The following TAS2R1 variants were observed in gnomAD, a reference collection of about 807,000 sequenced individuals.
The protein encoded by TAS2R1 is taste 2 receptor member 1, also known as taste receptor type 2 member 1.
For synonymous variants in TAS2R1, 141 were observed against 134.2 expected (o/e 1.05, Z -0.35); for missense variants, 370 against 353.4 (o/e 1.05, Z -0.38).
intron 2 of TAS2R1, among the ~76,000 whole-genome samples, chr5:9,651,624 T>G (rs1402407450): frequency 6.6e-6 from 1 of 152,222 alleles, no homozygotes; most frequent in Non-Finnish European, 1.5e-5. Flanking sequence ...ACTCAAATTT[T>G]TATAAACATA....
intron 2 of TAS2R1, among the ~76,000 whole-genome samples, chr5:9,639,298 C>G (rs989578387): frequency 2.0e-5 from 3 of 152,292 alleles, no homozygotes; most frequent in African/African-American, 7.2e-5. Flanking sequence ...ATGCAAGGTA[C>G]TACCCGCTGC....
At chr5:9,873,372 A>G in the TAS2R1 span, among the ~76,000 whole-genome samples, 1 of 149,504 alleles carries the variant, frequency 6.7e-6, no homozygotes, top group East Asian at 2.0e-4. Flanking sequence ...GGTGCCCCAT[A>G]TGAGGAGAGC....
At chr5:9,761,024 TTATC>T in the TAS2R1 span, 1 of 152,172 alleles carries the variant, frequency 6.6e-6, no homozygotes, top group Non-Finnish European at 1.5e-5. Flanking sequence ...AATGATATGA[TTATC>T]TATGCAGAAA....
chr5:9,810,017 C>T, the TAS2R1 span, among the ~76,000 whole-genome samples: 1 of 152,192 alleles, frequency 6.6e-6, no homozygotes, highest in Admixed American at 6.5e-5. Flanking sequence ...CCTTCTCTTA[C>T]ACTCATTCTT....
At chr5:9,753,252 G>C in the TAS2R1 span, among the ~76,000 whole-genome samples, 1 of 152,314 alleles carries the variant, frequency 6.6e-6, no homozygotes, top group Middle Eastern at 3.4e-3. Flanking sequence ...TAACTGGTTT[G>C]AGATGGTATC....
the TAS2R1 span, among the ~76,000 whole-genome samples, chr5:9,844,862 G>C: frequency 1.1e-4 from 17 of 152,268 alleles, no homozygotes; most frequent in Admixed American, 9.8e-4. Context: ...GCCCTTGCCA[G>C]GTGAATTTTC....
chr5:9,691,578 G>A (rs74329235), intron 1 of TAS2R1, among the ~76,000 whole-genome samples: 4,779 of 152,292 alleles, frequency 0.031, 93 homozygotes, highest in African/African-American at 0.057. Context: ...ATTTCATATC[G>A]TAAGGAAAGG....
At chr5:9,890,320 C>T in the TAS2R1 span, among the ~76,000 whole-genome samples, 1 of 152,112 alleles carries the variant, frequency 6.6e-6, no homozygotes, top group South Asian at 2.1e-4. Flanking sequence ...ATATGTCCAC[C>T]CATGACCTCA....
intron 2 of TAS2R1, among the ~76,000 whole-genome samples, chr5:9,643,524 G>A (rs1033961609): frequency 6.6e-6 from 1 of 152,112 alleles, no homozygotes; most frequent in Non-Finnish European, 1.5e-5. Flanking sequence ...TGAATGTGAA[G>A]GCGTAGGACA....
the TAS2R1 span, among the ~76,000 whole-genome samples, chr5:9,755,679 G>A: frequency 3.0e-3 from 451 of 152,096 alleles, 1 homozygote; most frequent in African/African-American, 0.01. Flanking sequence ...CTGGTTGTCC[G>A]TTTTTATAGT....
At chr5:9,811,572 C>A in the TAS2R1 span, among the ~76,000 whole-genome samples, 1 of 152,162 alleles carries the variant, frequency 6.6e-6, no homozygotes, top group African/African-American at 2.4e-5. Context: ...GACGCATTTG[C>A]TCCATCTCCT....
chr5:9,872,829 C>T, the TAS2R1 span, among the ~76,000 whole-genome samples: 11,714 of 152,296 alleles, frequency 0.077, 562 homozygotes, highest in African/African-American at 0.13. Context: ...GGTATAACTA[C>T]ATTGACTTGA....
At chr5:9,679,686 C>T (rs537640697) in intron 1 of TAS2R1, among the ~76,000 whole-genome samples, 53 of 152,138 alleles carry the variant, frequency 3.5e-4, no homozygotes, top group Non-Finnish European at 6.2e-4. Flanking sequence ...TATAGACAAA[C>T]AAGGAGGAGG....
At chr5:9,880,712 G>A in the TAS2R1 span, among the ~76,000 whole-genome samples, 15 of 152,228 alleles carry the variant, frequency 9.9e-5, no homozygotes, top group East Asian at 1.9e-4. Flanking sequence ...AACAACAGAC[G>A]CTGGGATACT....
chr5:9,660,928 T>C (rs940869319), intron 1 of TAS2R1, among the ~76,000 whole-genome samples: 7 of 152,118 alleles, frequency 4.6e-5, no homozygotes, highest in African/African-American at 1.4e-4. Context: ...AGCAAGCAAA[T>C]AGGGACCTCA....
chr5:9,902,013 T>C, the TAS2R1 span, among the ~76,000 whole-genome samples: 1 of 152,064 alleles, frequency 6.6e-6, no homozygotes, highest in Non-Finnish European at 1.5e-5. Flanking sequence ...CCTGTTAATC[T>C]TCCATTACTC....
At chr5:9,696,781 A>C (rs1008740062) in intron 1 of TAS2R1, among the ~76,000 whole-genome samples, 6 of 152,102 alleles carry the variant, frequency 3.9e-5, no homozygotes, top group African/African-American at 1.4e-4. Context: ...TGGGAGGCCT[A>C]GGCAGGCGGA....
At chr5:9,814,625 A>G in the TAS2R1 span, among the ~76,000 whole-genome samples, 1 of 152,220 alleles carries the variant, frequency 6.6e-6, no homozygotes, top group African/African-American at 2.4e-5. Context: ...ATGAAGGGCA[A>G]TGTGGATACA....
At chr5:9,751,991 T>C in the TAS2R1 span, among the ~76,000 whole-genome samples, 2 of 152,170 alleles carry the variant, frequency 1.3e-5, no homozygotes, top group African/African-American at 4.8e-5. Flanking sequence ...CATTTGAACA[T>C]AGAAAGCAAT....
Sources: allele counts gnomAD v4.1 joint callset (sites outside exome capture counted in the v4.1 genomes callset), GRCh38; gene constraint gnomAD v4.1.1; transcripts MANE v1.5; gene names NCBI Gene and HGNC (gene_info 2026-07-23, HGNC 2026-07-21).